Variants in SLC6A12 observed in about 807,000 individuals in gnomAD.
The protein encoded by SLC6A12 is solute carrier family 6 member 12, also known as sodium- and chloride-dependent betaine transporter.
SLC6A12 carries 50 observed loss-of-function variants against 73.3 expected under a neutral mutation model. That is an observed-to-expected ratio of 0.68 (90% CI 0.54 to 0.86). The LOEUF is 0.86. SLC6A12 is among the 40% of genes least tolerant of loss of function. SLC6A12 has a pLI of 0.00. For synonymous variants in SLC6A12, 304 were observed against 309.2 expected, an observed-to-expected ratio of 0.98 and a Z score of 0.18; for missense variants, 648 against 772.8, an observed-to-expected ratio of 0.84 and a Z score of 1.92.
Position 198,116 on chromosome 12 carries a change from G to T in SLC6A12, c.847-113C>A. The T allele has an allele frequency of 1.3e-6, 1 of 770,228 alleles. No homozygotes were observed. Among genetic ancestry groups the T allele is most frequent in the South Asian group, 1.6e-5 (1 of 61,696 alleles). 47.7% of individuals were successfully genotyped at this position (770,228 alleles called of 1,614,324 possible). The stretch of plus-strand genomic sequence containing the variant: ...CCAGCCTGGCCCCTCAGTGCTCCCT[G>T]AGCGCTTCCCTCCTGCATCCCAACT... On this transcript the variant is annotated intron_variant, in intron 8 of 15. Transcript: ENST00000684302. This position sits in a 1 kb window ranked among gnomAD's most constrained non-coding sequence, Gnocchi z 4.0.
At chr12:195,382 C>T in intron 12 of SLC6A12, 55 bp from the exon 13 acceptor site, 1 of 1,169,032 alleles carries the variant, frequency 8.6e-7, no homozygotes, top group Non-Finnish European at 1.3e-6. Context: ...GGACACACTC[C>T]AGCCCTCAGT....
Position 200,709 on chromosome 12 carries a change from A to C in SLC6A12, c.653T>G (p.Leu218Arg). ...SLRWELALCL[L>R]LAWVICYFCI... Reference sequence around the variant, plus strand: ...GAAATAGCAGATGACCCAGGCGAGCAGGAGGCACAGGGCCAGCTCCCAGCG... The same window carrying C: ...GAAATAGCAGATGACCCAGGCGAGCCGGAGGCACAGGGCCAGCTCCCAGCG... The change falls in exon 7 of 16, where the codon CTG (leucine) becomes CGG (arginine). Residue 218 changes from leucine to arginine, a missense_variant. Leu to Arg is a moderately radical substitution (Grantham distance 102). Coordinates refer to ENST00000684302, the MANE Select transcript of SLC6A12 (RefSeq NM_001122848.3). 1 of 1,614,180 alleles carries C rather than the reference A, an allele frequency of 6.2e-7. No homozygotes were observed.
chr12:195,230 A>C lies in SLC6A12; in HGVS notation c.1424T>G (p.Val475Gly), dbSNP rs771532980. The C allele has an allele frequency of 1.1e-5, 17 of 1,597,944 alleles. No individual in the cohort carries two copies. Among genetic ancestry groups the C allele is most frequent in the Non-Finnish European group, 1.5e-5 (17 of 1,165,530 alleles). Residue 475 changes from valine to glycine, a missense_variant, in exon 13 of 16, where the codon GTG (valine) becomes GGG (glycine). By Grantham distance (109) the Val-to-Gly change is moderately radical. Transcript: ENST00000684302. ...CCCCACTCCACCCCACTCACCATACACCCAGCTTATGCAGACCACTTCAAA... is the reference window on the plus strand; with the variant it reads ...CCCCACTCCACCCCACTCACCATACCCCCAGCTTATGCAGACCACTTCAAA... ...SLFEVVCISWVYGADRFYDNI... is the reference protein window; with the variant it reads ...SLFEVVCISWGYGADRFYDNI...
intron 11 of SLC6A12, 121 bp downstream of exon 11, chr12:196,649 A>G: frequency 1.3e-6 from 1 of 747,974 alleles, no homozygotes; most frequent in East Asian, 2.5e-5. Flanking sequence ...AGCCCTGGAC[A>G]GCAGAGGGGG....
At position 196,794 on chromosome 12, in the gene SLC6A12, G is replaced by A. The variant is rs1162162157; in HGVS notation, c.1164C>T (p.Leu388=). 2.5e-6 allele frequency: 4 copies of A among 1,613,528 alleles called. No individual in the cohort carries two copies. The highest frequency in any genetic ancestry group is 2.2e-5 in the South Asian group (2 of 91,052). ...CCTGGCTGTCCAGCCCTAGGAATAT[G>A]AGCATGATAAAGAACAGGCAGGACC... The part of the protein sequence containing the change: ...QLWSCLFFIM[L]IFLGLDSQFV... The change falls in exon 11 of 16, where the codon CTC becomes CTT. Residue 388 remains leucine, a synonymous_variant. Coordinates refer to ENST00000684302, the MANE Select transcript of SLC6A12 (RefSeq NM_001122848.3).
chr12:184,919 T>C, the SLC6A12 span, among the ~76,000 whole-genome samples: 2 of 122,418 alleles, frequency 1.6e-5, no homozygotes, highest in Non-Finnish European at 3.3e-5. Context: ...GGGGACAGAA[T>C]GAAACTGTCT....
At chr12:204,482 G>A (rs1253428207) in intron 4 of SLC6A12, 82 bp downstream of exon 4, 7 of 1,343,718 alleles carry the variant, frequency 5.2e-6, no homozygotes, top group Middle Eastern at 4.2e-4. Flanking sequence ...TGAAGCAGCG[G>A]ATGGGTAGGC....
In SLC6A12 at chr12:208,799, T is replaced by G. The variant is rs573536891; in HGVS notation, c.214+974A>C. Among the ~76,000 whole-genome samples the G allele has an allele frequency of 2.0e-5, 3 of 152,284 alleles. No individual in the cohort carries two copies. The South Asian group carries it at 6.2e-4, about 32-fold the overall frequency. ...TGATGGCTGCACAATTCTGTGACTA[T>G]ACTAAAAACCACTGAATTGTGCACT... On this transcript the variant is annotated intron_variant, in intron 3 of 15. Transcript: ENST00000684302.
chr12:187,522 G>C (rs1320230971), downstream of SLC6A12, among the ~76,000 whole-genome samples: 1 of 144,440 alleles, frequency 6.9e-6, no homozygotes, highest in East Asian at 2.2e-4. Flanking sequence ...TTCCCAATGA[G>C]TGTTACACCT....
In SLC6A12 at chr12:196,177, T is replaced by C; in HGVS notation, c.1273A>G (p.Ile425Val). The C allele has an allele frequency of 3.8e-6, 6 of 1,579,606 alleles. No homozygotes were observed. The highest frequency in any genetic ancestry group is 5.2e-6 in the Non-Finnish European group (6 of 1,163,420). ...TAGCACATGACGGCGATGGTGAGGA[T>C]GAGGAGCTCGCGCCGCCCGCTCTTC... Reference protein sequence around the residue: ...LRKSGRRELLILTIAVMCYLI... With the variant: ...LRKSGRRELLVLTIAVMCYLI... Residue 425 changes from isoleucine (I) to valine (V), a missense_variant, in exon 12 of 16, where the codon ATC (isoleucine) becomes GTC (valine). Physicochemically the swap from Ile to Val is conservative, Grantham distance 29 (BLOSUM62 3). Coordinates refer to ENST00000684302, the MANE Select transcript of SLC6A12 (RefSeq NM_001122848.3).
intron 7 of SLC6A12, among the ~76,000 whole-genome samples, chr12:200,222 C>T (rs1391365041): frequency 6.6e-5 from 10 of 150,512 alleles, no homozygotes; most frequent in Non-Finnish European, 1.2e-4. Context: ...CATTCTCCTG[C>T]CTCAGCCTCC....
intron 3 of SLC6A12, chr12:204,930 G>A: frequency 2.1e-6 from 1 of 479,036 alleles, no homozygotes; most frequent in East Asian, 3.2e-5. Context: ...CCTTGGAAGG[G>A]AAATTAGTGA....
intron 1 of SLC6A12, among the ~76,000 whole-genome samples, chr12:212,841 GCCC>G: frequency 6.6e-6 from 1 of 152,262 alleles, no homozygotes; most frequent in East Asian, 1.9e-4. Context: ...CGCCTCTCCA[GCCC>G]CTCGAGTCTC....
intron 3 of SLC6A12, 156 bp downstream of exon 3, chr12:209,617 G>T: frequency 2.8e-6 from 2 of 719,722 alleles, no homozygotes; most frequent in South Asian, 1.7e-5. Flanking sequence ...GGACGCTGAG[G>T]CTAGTAGTGG....
intron 6 of SLC6A12, chr12:201,486 C>G: frequency 2.3e-6 from 1 of 436,424 alleles, no homozygotes; most frequent in South Asian, 2.4e-5. Context: ...CTGTCCAGCA[C>G]CCCACTGGAC....
chr12:184,767 A>T, the SLC6A12 span, among the ~76,000 whole-genome samples: 17,668 of 148,208 alleles, frequency 0.12, 1,745 homozygotes, highest in African/African-American at 0.28. Flanking sequence ...AATAAATAAA[A>T]AAATAAAAAT....
intron 2 of SLC6A12, among the ~76,000 whole-genome samples, chr12:210,912 G>A (rs1294736424): frequency 2.0e-5 from 3 of 152,178 alleles, no homozygotes; most frequent in East Asian, 1.9e-4. Flanking sequence ...GAAAAGTGAC[G>A]TGGGGCATTC....
downstream of SLC6A12, among the ~76,000 whole-genome samples, chr12:186,949 T>A (rs1334882162): frequency 1.3e-5 from 2 of 152,162 alleles, no homozygotes; most frequent in African/African-American, 4.8e-5. Flanking sequence ...CTGCTGTCCC[T>A]TGCGTCGCAC....
chr12:187,184 T>C (rs966128040), downstream of SLC6A12, among the ~76,000 whole-genome samples: 3 of 152,110 alleles, frequency 2.0e-5, no homozygotes, highest in African/African-American at 7.2e-5. Context: ...TGTTCACCAG[T>C]CTGCAACTCA....
Sources: allele counts gnomAD v4.1 joint callset (sites outside exome capture counted in the v4.1 genomes callset), GRCh38; gene constraint gnomAD v4.1.1; non-coding constraint Gnocchi (gnomAD v3.1); transcripts MANE v1.5; gene names NCBI Gene and HGNC (gene_info 2026-07-23, HGNC 2026-07-21).